Variants in NRCAM observed in about 807,000 individuals in gnomAD.
The protein encoded by NRCAM is neuronal cell adhesion molecule, also known as NgCAM-related cell adhesion molecule.
Under a neutral mutation model 156.5 loss-of-function variants are expected in NRCAM, and 83 were observed. The observed-to-expected ratio is 0.53, with a 90% CI of 0.44 to 0.64. The LOEUF (loss-of-function observed/expected upper bound fraction) is 0.64. NRCAM is among the 30% of genes least tolerant of loss of function. NRCAM has a pLI of 0.00. For missense variants in NRCAM, 1,417 were observed against 1,597.3 expected, an observed-to-expected ratio of 0.89 and a Z score of 1.92; for synonymous variants, 538 against 563.9, an observed-to-expected ratio of 0.95 and a Z score of 0.65.
At chr7:108,402,237 C>T (rs1412298005) in intron 1 of NRCAM, among the ~76,000 whole-genome samples, 2 of 152,178 alleles carry the variant, frequency 1.3e-5, no homozygotes, top group Non-Finnish European at 2.9e-5. Flanking sequence ...AGAGAAGTAT[C>T]CATGTCGCAG....
At chr7:108,201,176 TA>T (rs71522858) in intron 13 of NRCAM, among the ~76,000 whole-genome samples, 335 of 130,508 alleles carry the variant, frequency 2.6e-3, no homozygotes, top group Admixed American at 2.9e-3. Context: ...TTAAGGTCGG[TA>T]AAAAAAAAAA....
intron 30 of NRCAM, among the ~76,000 whole-genome samples, chr7:108,164,075 A>G (rs13307536): frequency 1.2e-3 from 20 of 16,972 alleles, no homozygotes; most frequent in East Asian, 6.4e-3. Flanking sequence ...AGGTCATACC[A>G]GGTGGGGTGG....
At chr7:108,441,617 G>A (rs1287129566) in intron 1 of NRCAM, among the ~76,000 whole-genome samples, 1 of 152,208 alleles carries the variant, frequency 6.6e-6, no homozygotes, top group Non-Finnish European at 1.5e-5. Flanking sequence ...TGAGGGATAA[G>A]GGTCAAATTC....
intron 11 of NRCAM, among the ~76,000 whole-genome samples, chr7:108,213,442 G>A (rs891251660): frequency 5.3e-5 from 8 of 152,144 alleles, no homozygotes; most frequent in Non-Finnish European, 1.5e-5. Flanking sequence ...GAATGTAAAT[G>A]GCCTGAGTGC....
At chr7:108,229,733 T>C (rs1229174725) in intron 8 of NRCAM, among the ~76,000 whole-genome samples, 2 of 152,110 alleles carry the variant, frequency 1.3e-5, no homozygotes, top group Non-Finnish European at 2.9e-5. Context: ...CCATGAAATA[T>C]CTTACAGGCC....
chr7:108,172,553 C>A (rs1210134996), intron 28 of NRCAM, among the ~76,000 whole-genome samples: 4 of 152,206 alleles, frequency 2.6e-5, no homozygotes, highest in African/African-American at 7.2e-5. Context: ...GCCTCAGCTT[C>A]CCAAAGTGCT....
At chr7:108,326,700 G>GTGTA (rs2099072496) in intron 2 of NRCAM, among the ~76,000 whole-genome samples, 2 of 152,168 alleles carry the variant, frequency 1.3e-5, no homozygotes, top group Non-Finnish European at 2.9e-5. Context: ...AAGTAAACAT[G>GTGTA]AGACCTAGGG....
At position 108,376,319 on chromosome 7, in the gene NRCAM, A is replaced by G. The variant is rs749786728; in HGVS notation, c.-174+23117T>C. ...ACCAGCTGGCTCCTGCTGCAAGAGA[A>G]CACCTGTTGTTCCTGCTTCCTGCTC... On this transcript the variant is annotated intron_variant, in intron 2 of 32. Transcript: ENST00000379028. Among the ~76,000 whole-genome samples the G allele has an allele frequency of 2.3e-4, 35 of 152,166 alleles. 1 individual carries two copies. Among genetic ancestry groups the G allele is most frequent in the Admixed American group, 8.5e-4 (13 of 15,260 alleles).
At chr7:108,171,686 A>G (rs915990445) in intron 28 of NRCAM, among the ~76,000 whole-genome samples, 1 of 152,128 alleles carries the variant, frequency 6.6e-6, no homozygotes, top group African/African-American at 2.4e-5. Context: ...TTTCTAGTTT[A>G]GCGTCAATTT....
chr7:108,289,889 T>A (rs1332095503), intron 3 of NRCAM, among the ~76,000 whole-genome samples: 1 of 152,140 alleles, frequency 6.6e-6, no homozygotes, highest in Non-Finnish European at 1.5e-5. Flanking sequence ...TTGCAGTGAA[T>A]CCTTCAGGTG....
At chr7:108,171,352 G>A (rs1353498381) in intron 28 of NRCAM, among the ~76,000 whole-genome samples, 1 of 152,124 alleles carries the variant, frequency 6.6e-6, no homozygotes, top group African/African-American at 2.4e-5. Context: ...AGCATTCATG[G>A]CCCTTCAGAG....
chr7:108,299,673 G>A (rs1406079162), intron 3 of NRCAM, among the ~76,000 whole-genome samples: 4 of 152,100 alleles, frequency 2.6e-5, no homozygotes, highest in Non-Finnish European at 4.4e-5. Context: ...TGATGTGAAC[G>A]GGCAGCCGGG....
chr7:108,299,149 T>TAAAAA (rs751614501), intron 3 of NRCAM, among the ~76,000 whole-genome samples: 10 of 80,164 alleles, frequency 1.2e-4, no homozygotes, highest in Non-Finnish European at 2.0e-4. Flanking sequence ...AAAAGAAAAG[T>TAAAAA]AAAAAAAAAA....
At chr7:108,278,053 A>T (rs1277079922) in intron 3 of NRCAM, among the ~76,000 whole-genome samples, 1 of 152,180 alleles carries the variant, frequency 6.6e-6, no homozygotes, top group African/African-American at 2.4e-5. Flanking sequence ...TTGCCTGAGT[A>T]TCACCAGCGA....
intron 1 of NRCAM, among the ~76,000 whole-genome samples, chr7:108,414,050 C>T (rs529752425): frequency 1.2e-4 from 19 of 152,288 alleles, no homozygotes; most frequent in African/African-American, 4.3e-4. Context: ...AACGAAGCAC[C>T]CTGCTGTGGG....
intron 13 of NRCAM, 71 bp from the exon 14 acceptor site, chr7:108,198,170 C>A: frequency 7.9e-7 from 1 of 1,262,334 alleles, no homozygotes; most frequent in Non-Finnish European, 1.1e-6. Flanking sequence ...CTTGTAAAGT[C>A]AGTAGGACAT....
intron 30 of NRCAM, 30 bp downstream of exon 30, chr7:108,166,891 G>C (rs369828161): frequency 4.4e-6 from 7 of 1,609,044 alleles, no homozygotes; most frequent in Non-Finnish European, 5.1e-6. Flanking sequence ...CTCTGAGCGG[G>C]AGCCAGAACA....
chr7:108,319,838 G>A (rs2098979312), intron 2 of NRCAM, among the ~76,000 whole-genome samples: 1 of 152,220 alleles, frequency 6.6e-6, no homozygotes, highest in Admixed American at 6.6e-5. Context: ...GTCTGATGAG[G>A]CTGACAAAGC....
chr7:108,247,197 T>G (rs2095999918), intron 3 of NRCAM, among the ~76,000 whole-genome samples: 1 of 152,200 alleles, frequency 6.6e-6, no homozygotes, highest in Admixed American at 6.5e-5. Flanking sequence ...AATAAACTGT[T>G]GTTGTTTGAA....
Sources: allele counts gnomAD v4.1 joint callset (sites outside exome capture counted in the v4.1 genomes callset), GRCh38; gene constraint gnomAD v4.1.1; transcripts MANE v1.5; gene names NCBI Gene and HGNC (gene_info 2026-07-23, HGNC 2026-07-21).